LRRC4B: variants seen among roughly 807,000 people sequenced by gnomAD.
LRRC4B encodes the protein leucine rich repeat containing 4B.
A neutral mutation model predicts 7.3 loss-of-function variants in LRRC4B; 1 was observed. The observed-to-expected ratio is 0.14, with a 90% CI of 0.05 to 0.65. The LOEUF (loss-of-function observed/expected upper bound fraction) is 0.65. Among genes scored for constraint, LRRC4B ranks in the 30% least tolerant of loss-of-function variants. The pLI is 0.84. For synonymous variants in LRRC4B, 500 were observed against 499.2 expected (o/e 1.00, Z -0.02); for missense variants, 730 against 1,041.6 (o/e 0.70, Z 4.12).
rs1257308009 is a variant in LRRC4B, at chr19:50,519,394, T to G, written c.319A>C (p.Lys107Gln). 6.2e-7 allele frequency: 1 copy of G among 1,603,384 alleles called. No individual in the cohort carries two copies. The highest frequency in any genetic ancestry group is 1.3e-5 in the African/African-American group (1 of 74,950). ...AGAATCTCCAGGTGCCGCAGGTGCTTGAACGTGTCCGTCCGGATCACCTGG... is the reference window on the plus strand; with the variant it reads ...AGAATCTCCAGGTGCCGCAGGTGCTGGAACGTGTCCGTCCGGATCACCTGG... ...GIQVIRTDTFKHLRHLEILQL... is the reference protein window; with the variant it reads ...GIQVIRTDTFQHLRHLEILQL... The change falls in exon 3 of 3, where the codon AAG becomes CAG. Residue 107 changes from lysine (K) to glutamine (Q), a missense_variant. By Grantham distance (53) the Lys-to-Gln change is moderately conservative (BLOSUM62 1). Transcript: ENST00000652263. This position sits in a 1 kb window ranked among gnomAD's most constrained non-coding sequence, Gnocchi z 8.1.
At chr19:50,559,606 C>T (rs558016379) in intron 1 of LRRC4B, among the ~76,000 whole-genome samples, 5 of 152,260 alleles carry the variant, frequency 3.3e-5, no homozygotes, top group African/African-American at 9.6e-5. Flanking sequence ...GGCAGTGGGG[C>T]GTGAGAGCGA....
intron 1 of LRRC4B, among the ~76,000 whole-genome samples, chr19:50,549,190 A>T (rs1189576665): frequency 2.0e-5 from 3 of 152,206 alleles, no homozygotes; most frequent in Non-Finnish European, 4.4e-5. Context: ...TAAGTGCAGA[A>T]GTTGTCCAGA....
intron 2 of LRRC4B, among the ~76,000 whole-genome samples, chr19:50,531,412 C>T (rs1438673396): frequency 8.5e-5 from 13 of 152,122 alleles, no homozygotes; most frequent in South Asian, 2.1e-4. Context: ...TGAGGCTGCT[C>T]GGCGCTCAGC....
chr19:50,520,953 A>AT (rs1337135882), intron 2 of LRRC4B, among the ~76,000 whole-genome samples: 1 of 152,092 alleles, frequency 6.6e-6, no homozygotes, highest in East Asian at 1.9e-4. Flanking sequence ...TGTTCACAGC[A>AT]TTTTTTTCTC....
At chr19:50,538,322 C>T (rs984830201) in intron 2 of LRRC4B, among the ~76,000 whole-genome samples, 3 of 152,006 alleles carry the variant, frequency 2.0e-5, no homozygotes, top group Non-Finnish European at 2.9e-5. Flanking sequence ...CTCGGCCTCC[C>T]GAAGTGGTGG....
Position 50,518,745 on chromosome 19 carries a change from C to T in LRRC4B, c.968G>A (p.Ser323Asn). Reference sequence around the variant, plus strand: ...GGGCACCGTCTCCTTGAGCCACCAGCTCAGCCAGAGCACGTCGCAGTTGCA... The same window carrying T: ...GGGCACCGTCTCCTTGAGCCACCAGTTCAGCCAGAGCACGTCGCAGTTGCA... ...WHCNCDVLWL[S>N]WWLKETVPSN... The change falls in exon 3 of 3, where the codon AGC becomes AAC. Residue 323 changes from serine (S) to asparagine (N), a missense_variant. Transcript: ENST00000652263. 1 of 1,614,062 alleles carries T rather than the reference C, an allele frequency of 6.2e-7. No homozygotes were observed. The highest frequency in any genetic ancestry group is 8.5e-7 in the Non-Finnish European group (1 of 1,179,978).
In LRRC4B at chr19:50,518,145, C is replaced by T. The variant is rs1245857046; in HGVS notation, c.1568G>A (p.Gly523Asp). The T allele has an allele frequency of 6.2e-7, 1 of 1,604,124 alleles. No individual in the cohort carries two copies. Among genetic ancestry groups the T allele is most frequent in the African/African-American group, 1.3e-5 (1 of 74,766 alleles). ...PPGPTTDGVW[G>D]GGRPGDAAGP... ...GGCCGCGTCCCCAGGCCGGCCCCCA[C>T]CCCAGACACCGTCTGTCGTGGGCCC... Residue 523 changes from glycine (G) to aspartate (D), a missense_variant, in exon 3 of 3, where the codon GGT becomes GAT. Transcript: ENST00000652263.
chr19:50,524,654 A>G (rs1017634887), intron 2 of LRRC4B, among the ~76,000 whole-genome samples: 1 of 152,236 alleles, frequency 6.6e-6, no homozygotes, highest in Non-Finnish European at 1.5e-5. Context: ...TATTTAGCTC[A>G]ACAGGTCCAA....
In LRRC4B at chr19:50,552,830, G is replaced by A. The variant is rs1037378951; in HGVS notation, c.-35-3957C>T. Among the ~76,000 whole-genome samples, 4 of 152,116 alleles carry A rather than the reference G, an allele frequency of 2.6e-5. 1 individual carries two copies. The highest frequency in any genetic ancestry group is 2.6e-4 in the Admixed American group (4 of 15,274). ...CATCTGTCCAACAAATGTCTACCCA[G>A]TCCCTGCTATGTGCTAGACACTAGC... is the stretch of plus-strand genomic sequence containing the variant. On this transcript the variant is annotated intron_variant, in intron 1 of 2. Transcript: ENST00000652263.
intron 2 of LRRC4B, among the ~76,000 whole-genome samples, chr19:50,534,875 A>T (rs1381483242): frequency 6.6e-6 from 1 of 152,094 alleles, no homozygotes; most frequent in Non-Finnish European, 1.5e-5. Context: ...GTATTTATTT[A>T]TATTTATTTA....
At position 50,533,584 on chromosome 19, in the gene LRRC4B, C is replaced by A. The variant is rs141563702; in HGVS notation, c.298-14169G>T. 2.6e-5 allele frequency among the ~76,000 whole-genome samples: 4 copies of A among 152,352 alleles called. No individual in the cohort carries two copies. In the East Asian group the frequency reaches 7.7e-4, roughly 29 times the overall value. On this transcript the variant is annotated intron_variant, in intron 2 of 2. Transcript: ENST00000652263. ...TACAAAGACCAAAGACTAGTTAATT[C>A]TTCTCTTCTCCTCCCAAATAATGCA... is the stretch of plus-strand genomic sequence containing the variant.
In LRRC4B at chr19:50,566,946, G is replaced by C. The variant is rs111496561; in HGVS notation, c.-36+998C>G. 1.0e-3 allele frequency among the ~76,000 whole-genome samples: 153 copies of C among 151,798 alleles called. 3 individuals carry two copies. The highest frequency in any genetic ancestry group is 3.6e-3 in the African/African-American group (148 of 41,342). Reference sequence around the variant, plus strand: ...CCCAAAGAGGGGCGGGGAGGGAGTGGGAGGAGGGAGCTAGAGGAGAGGGCG... The same window carrying C: ...CCCAAAGAGGGGCGGGGAGGGAGTGCGAGGAGGGAGCTAGAGGAGAGGGCG... On this transcript the variant is annotated intron_variant, in intron 1 of 2. Transcript: ENST00000652263.
rs1372991861 is a variant in LRRC4B at position 50,568,197 on chromosome 19, G to A, written c.-289C>T. ...TCGCCTCGCGCCCGCCTGCCGTCCG[G>A]CCCCGCGCCCTCGCCCGCCGCCCGC... is the stretch of plus-strand genomic sequence containing the variant. On this transcript the variant is annotated 5_prime_UTR_variant, in exon 1 of 3. Coordinates refer to ENST00000652263, the MANE Select transcript of LRRC4B (RefSeq NM_001080457.2). 6.6e-6 allele frequency among the ~76,000 whole-genome samples: 1 copy of A among 151,524 alleles called. No homozygotes were observed. Among genetic ancestry groups the A allele is most frequent in the Non-Finnish European group, 1.5e-5 (1 of 67,798 alleles).
At chr19:50,535,163 C>T (rs919950573) in intron 2 of LRRC4B, among the ~76,000 whole-genome samples, 7 of 151,562 alleles carry the variant, frequency 4.6e-5, no homozygotes, top group Admixed American at 4.0e-4. Flanking sequence ...CCACCACGCC[C>T]GGCCTGTTTA....
chr19:50,543,017 C>T (rs893853904), intron 2 of LRRC4B, among the ~76,000 whole-genome samples: 10 of 152,148 alleles, frequency 6.6e-5, no homozygotes, highest in African/African-American at 2.2e-4. Context: ...TGAGCCACCC[C>T]CCAGAGCTCA....
rs1981941294 is a variant in LRRC4B at position 50,548,976 on chromosome 19, C to A, written c.-35-103G>T. ...AGGCAGCCCCATCGCCGCCTCCCTGCCCCATGCCCAGAACAAAGGGACAGG... is the reference window on the plus strand; with the variant it reads ...AGGCAGCCCCATCGCCGCCTCCCTGACCCATGCCCAGAACAAAGGGACAGG... On this transcript the variant is annotated intron_variant, in intron 1 of 2. Transcript: ENST00000652263. This position sits in a 1 kb window ranked among gnomAD's most constrained non-coding sequence, Gnocchi z 6.8. 1.6e-6 allele frequency: 1 copy of A among 633,108 alleles called. No individual in the cohort carries two copies. The highest frequency in any genetic ancestry group is 2.7e-6 in the Non-Finnish European group (1 of 372,210). 39.2% of individuals were successfully genotyped at this position (633,108 alleles called of 1,614,324 possible).
In LRRC4B at chr19:50,556,237, GGCCCGT is replaced by G. The variant is rs1473545702; in HGVS notation, c.-35-7370_-35-7365del. On this transcript the variant is annotated intron_variant, in intron 1 of 2. Coordinates refer to ENST00000652263, the MANE Select transcript of LRRC4B (RefSeq NM_001080457.2). This position sits in a 1 kb window ranked among gnomAD's most constrained non-coding sequence, Gnocchi z 4.2. ...CCACTGGGCAGCAGGACCAACAGGCGGCCCGTGCAGTGGGGGTGCAGTCGGGGTGGG... is the reference window on the plus strand; with the variant it reads ...CCACTGGGCAGCAGGACCAACAGGCGGCAGTGGGGGTGCAGTCGGGGTGGG... Among the ~76,000 whole-genome samples the G allele has an allele frequency of 6.6e-6, 1 of 151,784 alleles. No individual in the cohort carries two copies. Among genetic ancestry groups the G allele is most frequent in the Non-Finnish European group, 1.5e-5 (1 of 67,916 alleles).
intron 2 of LRRC4B, among the ~76,000 whole-genome samples, chr19:50,524,861 T>A (rs563984950): frequency 8.1e-4 from 123 of 152,288 alleles, no homozygotes; most frequent in African/African-American, 2.7e-3. Flanking sequence ...CCCTGTGAGA[T>A]GCTGCGGGTT....
In LRRC4B at chr19:50,555,193, G is replaced by C. The variant is rs534239009; in HGVS notation, c.-35-6320C>G. On this transcript the variant is annotated intron_variant, in intron 1 of 2. Transcript: ENST00000652263. The surrounding 1 kb of genome is among the most constrained non-coding windows in gnomAD (Gnocchi z 5.2). ...CTGCTGGCTTCTCCCCACGGCCCTG[G>C]GAGGAAGGGATGGTTCTTGTGCCCA... is the stretch of plus-strand genomic sequence containing the variant. Among the ~76,000 whole-genome samples, 2 of 152,342 alleles carry C rather than the reference G, an allele frequency of 1.3e-5. No homozygotes were observed. Among genetic ancestry groups the C allele is most frequent in the African/African-American group, 4.8e-5 (2 of 41,590 alleles).
Sources: gnomAD v4.1 joint callset for allele counts (sites outside exome capture counted in the v4.1 genomes callset) on GRCh38, gnomAD v4.1.1 for gene constraint, Gnocchi (gnomAD v3.1) non-coding constraint, MANE v1.5 for transcripts, NCBI Gene and HGNC (gene_info 2026-07-23, HGNC 2026-07-21) for gene names.